ADGRE3: variants seen among roughly 807,000 people sequenced by gnomAD.
The protein encoded by ADGRE3 is EGF-like module receptor 3.
A neutral mutation model predicts 80.1 loss-of-function variants in ADGRE3; 88 were observed. The observed-to-expected ratio is 1.10, with a 90% CI of 0.93 to 1.31. ADGRE3 has a LOEUF of 1.31. Among genes scored for constraint, ADGRE3 ranks in the 40% most tolerant of loss-of-function variants. ADGRE3 has a pLI of 0.00. For synonymous variants in ADGRE3, 281 were observed against 294.8 expected, an observed-to-expected ratio of 0.95 and a Z score of 0.48; for missense variants, 715 against 776.5, an observed-to-expected ratio of 0.92 and a Z score of 0.94.
intron 4 of ADGRE3, 100 bp downstream of exon 4, chr19:14,661,863 C>A: frequency 2.3e-6 from 3 of 1,315,416 alleles, no homozygotes; most frequent in Non-Finnish European, 3.2e-6. Context: ...CCAGCCTGGG[C>A]TACAGAGCGA....
rs115451708 is a variant in ADGRE3, at chr19:14,630,747, G to A, written c.1644-540C>T. On this transcript the variant is annotated intron_variant, in intron 13 of 15. Transcript: ENST00000253673. ...CTTATCTTAATAATTGTCCTATTTC[G>A]TGGGGTTGCTATAAAGATTACATGA... Among the ~76,000 whole-genome samples, 678 of 152,140 alleles carry A rather than the reference G, an allele frequency of 4.5e-3. 3 individuals are homozygous for A. The highest frequency in any genetic ancestry group is 0.016 in the African/African-American group (658 of 41,514).
chr19:14,618,131 A>T (rs942756900), downstream of ADGRE3, among the ~76,000 whole-genome samples: 5 of 152,280 alleles, frequency 3.3e-5, no homozygotes, highest in African/African-American at 1.2e-4. Flanking sequence ...TATAGACAAA[A>T]ATATATATAT....
chr19:14,637,062 C>A (rs1330656932), intron 11 of ADGRE3, among the ~76,000 whole-genome samples: 1 of 152,068 alleles, frequency 6.6e-6, no homozygotes, highest in Non-Finnish European at 1.5e-5. Context: ...CCATTGGACT[C>A]CAGCCTGGGC....
At chr19:14,614,680 C>G (rs113464257), downstream of ADGRE3, among the ~76,000 whole-genome samples, 10,384 of 151,086 alleles carry the variant, frequency 0.069, 464 homozygotes, top group African/African-American at 0.13. Flanking sequence ...GGGTTCAAGC[C>G]ATTCTTCTGC....
intron 15 of ADGRE3, among the ~76,000 whole-genome samples, chr19:14,620,856 A>G (rs979140201): frequency 2.0e-5 from 3 of 151,586 alleles, no homozygotes; most frequent in Admixed American, 6.6e-5. Context: ...CATATTATTC[A>G]ATTTCCACAA....
chr19:14,656,606 A>T (rs1156675511), intron 5 of ADGRE3, among the ~76,000 whole-genome samples: 1 of 152,112 alleles, frequency 6.6e-6, no homozygotes, highest in Non-Finnish European at 1.5e-5. Context: ...GGCCAGTACC[A>T]TCTTGTCTGC....
chr19:14,652,790 GA>G (rs372506023), intron 6 of ADGRE3, among the ~76,000 whole-genome samples: 43,061 of 124,908 alleles, frequency 0.34, 7,118 homozygotes, highest in African/African-American at 0.46. Context: ...AAAAAAAAAA[GA>G]AAAAAAAAAA....
chr19:14,607,550 ATTAT>A, the ADGRE3 span, among the ~76,000 whole-genome samples: 25,127 of 141,300 alleles, frequency 0.18, 2,860 homozygotes, highest in East Asian at 0.45. Context: ...ATTTTATTTT[ATTAT>A]TTATTTATTT....
At chr19:14,636,141 T>C (rs370319934) in intron 11 of ADGRE3, among the ~76,000 whole-genome samples, 3,188 of 15,392 alleles carry the variant, frequency 0.21, 620 homozygotes, top group South Asian at 0.34. Context: ...TTTCTTTCTT[T>C]CTTTCTTTCT....
intron 8 of ADGRE3, 79 bp downstream of exon 8, chr19:14,647,102 C>A: frequency 8.1e-7 from 1 of 1,229,056 alleles, no homozygotes; most frequent in Non-Finnish European, 1.2e-6. Flanking sequence ...GGGTCTAGAA[C>A]CACAGCCTGG....
At chr19:14,670,559 G>T (rs1254356029) in intron 1 of ADGRE3, among the ~76,000 whole-genome samples, 1 of 152,132 alleles carries the variant, frequency 6.6e-6, no homozygotes, top group Non-Finnish European at 1.5e-5. Flanking sequence ...TGGCTCTATT[G>T]TGGCTGGTAA....
intron 11 of ADGRE3, among the ~76,000 whole-genome samples, chr19:14,637,269 C>A (rs1328239626): frequency 1.3e-5 from 2 of 152,094 alleles, no homozygotes; most frequent in East Asian, 3.8e-4. Context: ...GTACCCTGAC[C>A]CACATTTTCC....
At chr19:14,620,571 T>A (rs1445071574) in intron 15 of ADGRE3, among the ~76,000 whole-genome samples, 905 of 13,134 alleles carry the variant, frequency 0.069, 153 homozygotes, top group Non-Finnish European at 0.1. Context: ...TATATATATT[T>A]TTTTTTTTTT....
At chr19:14,620,562 ATATATATTTTTTTTTTTTTTTTT>A (rs1599598155) in intron 15 of ADGRE3, among the ~76,000 whole-genome samples, 30 of 22,076 alleles carry the variant, frequency 1.4e-3, no homozygotes, top group East Asian at 0.013. Context: ...ATATATATAT[ATATATATTTTTTTTTTTTTTTTT>A]TTTTTTTTTT....
intron 13 of ADGRE3, among the ~76,000 whole-genome samples, chr19:14,631,614 A>G (rs1970883756): frequency 6.6e-6 from 1 of 151,760 alleles, no homozygotes; most frequent in African/African-American, 2.4e-5. Context: ...TATGTATAGA[A>G]TATATTATAT....
In ADGRE3 at chr19:14,638,218, T is replaced by C; in HGVS notation, c.1371A>G (p.Ser457=). 1 of 1,614,060 alleles carries C rather than the reference T, an allele frequency of 6.2e-7. No homozygotes were observed. The change falls in exon 11 of 16, where the codon TCA becomes TCG. Residue 457 remains serine, a synonymous_variant. Coordinates refer to ENST00000253673, the MANE Select transcript of ADGRE3 (RefSeq NM_032571.5). ...TCCACTTCATGAGTCTATTGATGCT[T>C]GAGTAGTTGACCACTGTCAGGTTCC... The part of the protein sequence containing the change: ...TARNLTVVNY[S]SINRLMKWIM...
At chr19:14,611,371 C>CTTTTTT in the ADGRE3 span, among the ~76,000 whole-genome samples, 8 of 75,952 alleles carry the variant, frequency 1.1e-4, no homozygotes, top group Admixed American at 1.8e-4. Flanking sequence ...AACTTCTATC[C>CTTTTTT]TTTTTTTTTT....
chr19:14,600,483 G>T, the ADGRE3 span, among the ~76,000 whole-genome samples: 821 of 152,148 alleles, frequency 5.4e-3, 12 homozygotes, highest in African/African-American at 0.019. Flanking sequence ...TATGTTTCAG[G>T]TTGCATTCCA....
chr19:14,612,584 C>T, the ADGRE3 span, among the ~76,000 whole-genome samples: 2 of 152,138 alleles, frequency 1.3e-5, no homozygotes, highest in East Asian at 1.9e-4. Context: ...ATCTGCCCAC[C>T]TTGGTCCCCC....
Sources: gnomAD v4.1 joint callset for allele counts (sites outside exome capture counted in the v4.1 genomes callset) on GRCh38, gnomAD v4.1.1 for gene constraint, MANE v1.5 for transcripts, NCBI Gene and HGNC (gene_info 2026-07-23, HGNC 2026-07-21) for gene names.